USH2A: variants seen among roughly 807,000 people sequenced by gnomAD.
The protein encoded by USH2A is Usher syndrome 2A (autosomal recessive, mild).
A neutral mutation model predicts 538.9 loss-of-function variants in USH2A; 443 were observed. The observed-to-expected ratio is 0.82, with a 90% CI of 0.76 to 0.89. USH2A has a LOEUF of 0.89. Ranked by LOEUF, USH2A falls within the 40% of genes least tolerant of loss-of-function variation. The probability of loss-of-function intolerance (pLI) is 0.00; values close to 1 mark genes in which losing one functional copy is unlikely to be tolerated. For synonymous variants in USH2A, 2,413 were observed against 2,273.5 expected (o/e 1.06, Z -1.75); for missense variants, 6,633 against 6,324.8 (o/e 1.05, Z -1.65).
chr1:215,733,872 C>A (rs887787538), intron 60 of USH2A, among the ~76,000 whole-genome samples: 12 of 152,204 alleles, frequency 7.9e-5, no homozygotes, highest in Non-Finnish European at 1.2e-4. Flanking sequence ...CCTGTGGCTG[C>A]TCTCATATAT....
chr1:215,631,591 G>T (rs997448756), intron 70 of USH2A, among the ~76,000 whole-genome samples: 1 of 152,152 alleles, frequency 6.6e-6, no homozygotes, highest in African/African-American at 2.4e-5. Flanking sequence ...GATTCAACAG[G>T]CTCAGGGGAA....
At chr1:216,084,189 T>A (rs2102560470) in intron 25 of USH2A, among the ~76,000 whole-genome samples, 1 of 152,076 alleles carries the variant, frequency 6.6e-6, no homozygotes, top group Admixed American at 6.5e-5. Flanking sequence ...ACACCTCCCC[T>A]TTCATTGTAG....
At chr1:216,204,570 T>A (rs2035070883) in intron 16 of USH2A, among the ~76,000 whole-genome samples, 2 of 152,102 alleles carry the variant, frequency 1.3e-5, no homozygotes, top group Admixed American at 6.5e-5. Flanking sequence ...TCTATAAAGG[T>A]CTCAAACAAA....
At chr1:215,996,560 G>GTTTTTATTTTTTTTTT (rs1668144642) in intron 34 of USH2A, among the ~76,000 whole-genome samples, 1 of 51,696 alleles carries the variant, frequency 1.9e-5, no homozygotes, top group Admixed American at 3.2e-4. Context: ...AACATATTAT[G>GTTTTTATTTTTTTTTT]TTTTTTTTTT....
rs146516163 is a variant in USH2A, at chr1:216,045,289, G to C, written c.6325+1142C>G. Among the ~76,000 whole-genome samples, 1,244 of 152,146 alleles carry C rather than the reference G, an allele frequency of 8.2e-3. 18 individuals are homozygous for C. Among genetic ancestry groups the C allele is most frequent in the African/African-American group, 0.029 (1,186 of 41,526 alleles). On this transcript the variant is annotated intron_variant, in intron 32 of 71. Transcript: ENST00000307340. ...AATATGAAATACAAAACCACTATAA[G>C]TATAATACAAATATAAACACAGTAC...
Position 216,190,225 on chromosome 1 carries a change from G to A in USH2A, c.4394C>T (p.Ala1465Val), listed in dbSNP as rs751567162. The A allele has an allele frequency of 3.7e-6, 6 of 1,611,944 alleles. No homozygotes were observed. Among genetic ancestry groups the A allele is most frequent in the Non-Finnish European group, 4.2e-6 (5 of 1,178,838 alleles). ...SASGAGQTLAAAPAQLRPPLV... is the reference protein window; with the variant it reads ...SASGAGQTLAVAPAQLRPPLV... ...CATATCCATTAAAACTTGCTTACCTGCTGCTAAAGTTTGTCCTGCTCCCGA... is the reference window on the plus strand; with the variant it reads ...CATATCCATTAAAACTTGCTTACCTACTGCTAAAGTTTGTCCTGCTCCCGA... The change falls in exon 20 of 72, where the codon GCA becomes GTA. Residue 1465 changes from alanine to valine, a missense_variant and splice_region_variant. Physicochemically the swap from Ala to Val is moderately conservative, Grantham distance 64 (BLOSUM62 0). Transcript: ENST00000307340.
chr1:215,918,736 T>C (rs1054097934), intron 38 of USH2A, among the ~76,000 whole-genome samples: 9 of 152,100 alleles, frequency 5.9e-5, no homozygotes, highest in Non-Finnish European at 1.0e-4. Context: ...TTATAAGTAG[T>C]AGAGTTAGAA....
intron 22 of USH2A, among the ~76,000 whole-genome samples, chr1:216,094,573 CTT>C (rs553976342): frequency 3.9e-5 from 6 of 152,240 alleles, no homozygotes; most frequent in African/African-American, 1.4e-4. Flanking sequence ...TTAGGCATAA[CTT>C]AATATTACTA....
intron 30 of USH2A, among the ~76,000 whole-genome samples, chr1:216,062,112 T>C (rs145083188): frequency 1.3e-5 from 2 of 152,270 alleles, no homozygotes; most frequent in African/African-American, 4.8e-5. Flanking sequence ...AAATTGTAAC[T>C]TGAAAGAAGG....
At chr1:216,220,996 G>A (rs1216979692) in intron 14 of USH2A, among the ~76,000 whole-genome samples, 3 of 152,062 alleles carry the variant, frequency 2.0e-5, no homozygotes, top group Non-Finnish European at 2.9e-5. Flanking sequence ...GGAGAAATTC[G>A]GCAGAGTTTT....
intron 47 of USH2A, among the ~76,000 whole-genome samples, chr1:215,819,025 A>C (rs1662935704): frequency 6.6e-6 from 1 of 151,820 alleles, no homozygotes; most frequent in South Asian, 2.1e-4. Context: ...GACATTCAAG[A>C]TTAGTTCTTT....
intron 27 of USH2A, among the ~76,000 whole-genome samples, chr1:216,073,848 TG>T (rs1365110739): frequency 6.6e-6 from 1 of 152,256 alleles, no homozygotes; most frequent in African/African-American, 2.4e-5. Flanking sequence ...AATGGCATAA[TG>T]ATCACTTCAG....
chr1:216,250,780 T>C (rs1173380534), intron 12 of USH2A, 123 bp downstream of exon 12: 5 of 990,920 alleles, frequency 5.0e-6, no homozygotes, highest in African/African-American at 1.7e-5. Flanking sequence ...ATCCAAATTG[T>C]TTTTTTTTCC....
intron 2 of USH2A, among the ~76,000 whole-genome samples, chr1:216,421,146 T>A (rs2039669367): frequency 6.6e-6 from 1 of 152,166 alleles, no homozygotes; most frequent in South Asian, 2.1e-4. Flanking sequence ...AAACTGGTGA[T>A]TAAATAACAA....
rs2031519993 is a variant in USH2A at position 216,070,383 on chromosome 1, A to C, written c.5858-91T>G. ...TCACTTTTAATGGCCGCAGTAAATC[A>C]GACTCAACCATTAGCATAAATACAA... On this transcript the variant is annotated intron_variant, in intron 29 of 71. Transcript: ENST00000307340. The C allele has an allele frequency of 1.3e-5, 15 of 1,160,916 alleles. No individual in the cohort carries two copies. In the South Asian group the frequency reaches 1.9e-4, roughly 15 times the overall value. 71.9% of individuals were successfully genotyped at this position (1,160,916 alleles called of 1,614,324 possible). A position where few individuals can be genotyped will look rare whatever the true frequency, so the allele number is the denominator to read the frequency against.
intron 16 of USH2A, among the ~76,000 whole-genome samples, chr1:216,202,600 A>T (rs181653522): frequency 1.4e-4 from 22 of 152,284 alleles, no homozygotes; most frequent in Non-Finnish European, 2.9e-4. Context: ...TTTCAGAGAA[A>T]CATTTACAGT....
chr1:215,751,897 A>C (rs764802120), intron 58 of USH2A, among the ~76,000 whole-genome samples: 1 of 152,154 alleles, frequency 6.6e-6, no homozygotes, highest in Non-Finnish European at 1.5e-5. Flanking sequence ...GAATTTGAGA[A>C]ACATTGTGCA....
At chr1:215,698,849 T>C (rs567489349) in intron 61 of USH2A, among the ~76,000 whole-genome samples, 218 of 152,350 alleles carry the variant, frequency 1.4e-3, no homozygotes, top group African/African-American at 5.0e-3. Context: ...TTGTCAATAT[T>C]AGCTTTTGTT....
intron 47 of USH2A, among the ~76,000 whole-genome samples, chr1:215,829,597 T>A (rs186828198): frequency 1.9e-3 from 282 of 152,326 alleles, no homozygotes; most frequent in African/African-American, 6.6e-3. Context: ...AAAGATTTTT[T>A]AAAACCAAAA....
Sources: gnomAD v4.1 joint callset for allele counts (sites outside exome capture counted in the v4.1 genomes callset) on GRCh38, gnomAD v4.1.1 for gene constraint, MANE v1.5 for transcripts, NCBI Gene and HGNC (gene_info 2026-07-23, HGNC 2026-07-21) for gene names.